Variants in VPS13B observed in about 807,000 individuals in gnomAD.
The protein encoded by VPS13B is intermembrane lipid transfer protein VPS13B.
Under a neutral mutation model 426.4 loss-of-function variants are expected in VPS13B, and 285 were observed. The ratio of observed to expected loss-of-function variants is 0.67; its 90% CI spans 0.61 to 0.74. The LOEUF (loss-of-function observed/expected upper bound fraction) is 0.74. VPS13B is among the 30% of genes least tolerant of loss of function. The probability of loss-of-function intolerance (pLI) is 0.00; values close to 1 mark genes in which losing one functional copy is unlikely to be tolerated. For synonymous variants in VPS13B, 1,676 were observed against 1,676.4 expected (o/e 1.00, Z 0.01); for missense variants, 4,537 against 4,782.6 (o/e 0.95, Z 1.51).
intron 30 of VPS13B, 81 bp downstream of exon 30, chr8:99,521,091 C>T: frequency 2.7e-6 from 3 of 1,122,804 alleles, no homozygotes; most frequent in Middle Eastern, 4.0e-4. Flanking sequence ...TTAGTGTGGC[C>T]TGTAGAAATA....
At chr8:99,343,394 G>T (rs1811361233) in intron 19 of VPS13B, among the ~76,000 whole-genome samples, 1 of 152,046 alleles carries the variant, frequency 6.6e-6, no homozygotes, top group Admixed American at 6.6e-5. Flanking sequence ...CCGGCTGATT[G>T]CCCATTTTTC....
At chr8:99,303,686 G>A (rs943056970) in intron 19 of VPS13B, among the ~76,000 whole-genome samples, 3 of 118,446 alleles carry the variant, frequency 2.5e-5, no homozygotes, top group South Asian at 3.0e-4. Context: ...CTGAGATTGC[G>A]CCACTGCACT....
In VPS13B at chr8:99,220,931, C is replaced by T. The variant is rs542120743; in HGVS notation, c.2515+27874C>T. 1.3e-4 allele frequency among the ~76,000 whole-genome samples: 12 copies of T among 93,118 alleles called. No homozygotes were observed. The South Asian group carries it at 4.8e-3, about 37-fold the overall frequency. The allele number at this position is 93,118 out of a possible 152,430, so 61.1% of individuals were successfully genotyped here. A position where few individuals can be genotyped will look rare whatever the true frequency, so the allele number is the denominator to read the frequency against. On this transcript the variant is annotated intron_variant, in intron 17 of 61. Transcript: ENST00000357162. ...TTAGGTATATCTCCCAATGCTATCC[C>T]TCCCCCCTCCCCCGACCCCACCACA... is the stretch of plus-strand genomic sequence containing the variant.
At chr8:99,697,804 C>T (rs1832096403) in intron 35 of VPS13B, 3 of 614,390 alleles carry the variant, frequency 4.9e-6, no homozygotes, top group African/African-American at 1.8e-5. Flanking sequence ...AAGTCAGGCA[C>T]ATTCCAGAAA....
chr8:99,851,447 A>G (rs1237615931), intron 55 of VPS13B, among the ~76,000 whole-genome samples: 4 of 152,196 alleles, frequency 2.6e-5, no homozygotes, highest in Non-Finnish European at 5.9e-5. Flanking sequence ...TCAGCATTCT[A>G]CAGGGATGAA....
At chr8:99,403,192 T>G (rs16897335) in intron 21 of VPS13B, among the ~76,000 whole-genome samples, 3,321 of 152,260 alleles carry the variant, frequency 0.022, 130 homozygotes, top group African/African-American at 0.076. Context: ...AACACAGATT[T>G]CTTGACAGTT....
chr8:99,137,762 A>G (rs1810155071), intron 12 of VPS13B, among the ~76,000 whole-genome samples: 2 of 152,118 alleles, frequency 1.3e-5, no homozygotes. Flanking sequence ...AGTACTTTCC[A>G]TATGTTGTTG....
At chr8:99,015,280 G>A (rs1236023200) in intron 2 of VPS13B, among the ~76,000 whole-genome samples, 2 of 143,804 alleles carry the variant, frequency 1.4e-5, no homozygotes, top group African/African-American at 2.6e-5. Flanking sequence ...GCAGTGGCAC[G>A]ATCTCGGCTC....
chr8:99,615,842 T>C (rs1828061503), intron 33 of VPS13B, among the ~76,000 whole-genome samples: 1 of 152,198 alleles, frequency 6.6e-6, no homozygotes, highest in South Asian at 2.1e-4. Flanking sequence ...ATTATTATAA[T>C]GATTCATTCT....
At chr8:99,575,210 G>T (rs950896768) in intron 31 of VPS13B, among the ~76,000 whole-genome samples, 2 of 151,832 alleles carry the variant, frequency 1.3e-5, no homozygotes, top group Non-Finnish European at 2.9e-5. Context: ...AAAAAGAAAA[G>T]AATTCAAAGA....
At chr8:99,454,370 G>A (rs1401543930) in intron 23 of VPS13B, among the ~76,000 whole-genome samples, 1 of 152,128 alleles carries the variant, frequency 6.6e-6, no homozygotes, top group East Asian at 1.9e-4. Flanking sequence ...GGGTCTTGCT[G>A]TGTTGCAAAG....
chr8:99,148,033 T>C, intron 14 of VPS13B, 23 bp downstream of exon 14: 1 of 1,594,592 alleles, frequency 6.3e-7, no homozygotes, highest in Non-Finnish European at 8.6e-7. Context: ...ATTTGCTATA[T>C]TTTTTTTCCC....
At chr8:99,555,477 A>C (rs1824507426) in intron 30 of VPS13B, among the ~76,000 whole-genome samples, 1 of 152,148 alleles carries the variant, frequency 6.6e-6, no homozygotes, top group South Asian at 2.1e-4. Context: ...TCTACTAGTA[A>C]GGCTATTTTT....
intron 31 of VPS13B, among the ~76,000 whole-genome samples, chr8:99,574,708 G>T (rs1180785200): frequency 6.6e-6 from 1 of 152,172 alleles, no homozygotes; most frequent in Non-Finnish European, 1.5e-5. Flanking sequence ...AGCTGTTTTG[G>T]TGTCAACTTG....
chr8:99,584,664 T>A (rs557766587), intron 33 of VPS13B, among the ~76,000 whole-genome samples: 1 of 152,196 alleles, frequency 6.6e-6, no homozygotes, highest in Non-Finnish European at 1.5e-5. Flanking sequence ...ATATACTCTA[T>A]GGAAAATTAG....
At chr8:99,039,072 A>G (rs1842864991) in intron 3 of VPS13B, among the ~76,000 whole-genome samples, 1 of 152,210 alleles carries the variant, frequency 6.6e-6, no homozygotes, top group Non-Finnish European at 1.5e-5. Flanking sequence ...TTGTTTTCAT[A>G]CAGATTTTAC....
intron 8 of VPS13B, among the ~76,000 whole-genome samples, chr8:99,129,167 T>A (rs536218629): frequency 1.9e-3 from 284 of 152,206 alleles, no homozygotes; most frequent in African/African-American, 6.6e-3. Context: ...TATTTTAACA[T>A]CATTATTCTC....
At chr8:99,493,066 C>A (rs985599110) in intron 25 of VPS13B, among the ~76,000 whole-genome samples, 1 of 152,108 alleles carries the variant, frequency 6.6e-6, no homozygotes, top group Non-Finnish European at 1.5e-5. Flanking sequence ...CTAATTATAT[C>A]GATTGATTTT....
At chr8:99,698,348 C>T (rs1288938394) in intron 35 of VPS13B, among the ~76,000 whole-genome samples, 2 of 152,132 alleles carry the variant, frequency 1.3e-5, no homozygotes, top group Non-Finnish European at 2.9e-5. Context: ...GCCCTGCCCC[C>T]AGGGAAGAGA....
Sources: allele counts gnomAD v4.1 joint callset (sites outside exome capture counted in the v4.1 genomes callset), GRCh38; gene constraint gnomAD v4.1.1; transcripts MANE v1.5; gene names NCBI Gene and HGNC (gene_info 2026-07-23, HGNC 2026-07-21).